Variants in LMX1A observed in about 807,000 individuals in gnomAD.
LMX1A encodes the protein LIM homeobox transcription factor 1-alpha.
Under a neutral mutation model 49.1 loss-of-function variants are expected in LMX1A, and 15 were observed. The ratio of observed to expected loss-of-function variants is 0.31; its 90% confidence interval spans 0.20 to 0.47. The LOEUF is 0.47. LMX1A is among the 20% of genes least tolerant of loss of function. LMX1A has a pLI of 1.00. For synonymous variants in LMX1A, 167 were observed against 185.7 expected, an observed-to-expected ratio of 0.90 and a Z score of 0.82; for missense variants, 372 against 475.8, an observed-to-expected ratio of 0.78 and a Z score of 2.03.
intron 3 of LMX1A, among the ~76,000 whole-genome samples, chr1:165,291,231 C>T (rs937205608): frequency 1.3e-5 from 2 of 152,154 alleles, no homozygotes; most frequent in Non-Finnish European, 2.9e-5. Flanking sequence ...GAGCACTGTC[C>T]TGGGCACAGA....
intron 3 of LMX1A, among the ~76,000 whole-genome samples, chr1:165,328,329 G>C (rs1031732966): frequency 6.6e-6 from 1 of 152,178 alleles, no homozygotes; most frequent in African/African-American, 2.4e-5. Flanking sequence ...TACATCTGTC[G>C]CTGGGCAGGA....
chr1:165,326,100 C>T (rs1655571429), intron 3 of LMX1A, among the ~76,000 whole-genome samples: 1 of 152,146 alleles, frequency 6.6e-6, no homozygotes, highest in African/African-American at 2.4e-5. Flanking sequence ...ATATTACACA[C>T]TGTTCAGTCA....
At chr1:165,206,630 G>C (rs1651092954) in intron 7 of LMX1A, among the ~76,000 whole-genome samples, 1 of 152,060 alleles carries the variant, frequency 6.6e-6, no homozygotes, top group African/African-American at 2.4e-5. Flanking sequence ...CATATGCTTT[G>C]ATGCATTCTT....
chr1:165,220,899 T>A (rs558646679), intron 4 of LMX1A, among the ~76,000 whole-genome samples: 1 of 152,338 alleles, frequency 6.6e-6, no homozygotes, highest in African/African-American at 2.4e-5. Context: ...AAATTCCTCA[T>A]GTCTCTGAGA....
chr1:165,279,240 A>C (rs1448750440), intron 3 of LMX1A, among the ~76,000 whole-genome samples: 1 of 152,218 alleles, frequency 6.6e-6, no homozygotes, highest in African/African-American at 2.4e-5. Flanking sequence ...TGTGAGAAAT[A>C]AGCGGGTGGA....
At chr1:165,244,311 A>G (rs1652765192) in intron 4 of LMX1A, among the ~76,000 whole-genome samples, 1 of 152,230 alleles carries the variant, frequency 6.6e-6, no homozygotes, top group Non-Finnish European at 1.5e-5. Context: ...GAGCTGCTCT[A>G]GAAAATTTAG....
At chr1:165,252,957 T>G (rs1434106692) in intron 3 of LMX1A, among the ~76,000 whole-genome samples, 1 of 152,268 alleles carries the variant, frequency 6.6e-6, no homozygotes, top group Admixed American at 6.5e-5. Context: ...TCATTCATTC[T>G]TTCATTTATT....
intron 4 of LMX1A, among the ~76,000 whole-genome samples, chr1:165,236,597 T>C (rs1375742978): frequency 6.6e-6 from 1 of 152,154 alleles, no homozygotes; most frequent in Non-Finnish European, 1.5e-5. Flanking sequence ...TAACTATACC[T>C]GCTCACTCTA....
chr1:165,211,033 C>A, intron 5 of LMX1A: 1 of 354,964 alleles, frequency 2.8e-6, no homozygotes. Flanking sequence ...CTGGATTTCT[C>A]TTGCTCTGGA....
intron 3 of LMX1A, among the ~76,000 whole-genome samples, chr1:165,267,596 G>A (rs867556282): frequency 2.0e-5 from 3 of 152,314 alleles, no homozygotes; most frequent in Middle Eastern, 3.4e-3. Flanking sequence ...TACTTGTGGG[G>A]AGGATAAGAA....
chr1:165,298,839 G>C (rs1654696604), intron 3 of LMX1A, among the ~76,000 whole-genome samples: 1 of 152,156 alleles, frequency 6.6e-6, no homozygotes, highest in Non-Finnish European at 1.5e-5. Context: ...AATTACAGAA[G>C]GTGCTTATTT....
intron 4 of LMX1A, among the ~76,000 whole-genome samples, chr1:165,240,750 C>A (rs182192707): frequency 6.6e-6 from 1 of 152,244 alleles, no homozygotes; most frequent in Non-Finnish European, 1.5e-5. Flanking sequence ...CCTTTCTGGA[C>A]TCAAAGACTC....
chr1:165,235,004 G>A (rs952258550), intron 4 of LMX1A, among the ~76,000 whole-genome samples: 1 of 152,284 alleles, frequency 6.6e-6, no homozygotes, highest in African/African-American at 2.4e-5. Context: ...GGCCTGCAAT[G>A]TTCAGATTCA....
chr1:165,346,717 G>A (rs1022166133), intron 3 of LMX1A, among the ~76,000 whole-genome samples: 1 of 152,142 alleles, frequency 6.6e-6, no homozygotes, highest in Non-Finnish European at 1.5e-5. Context: ...TGCATCTGCT[G>A]TCTAATGCCA....
rs565271882 is a variant in LMX1A at position 165,254,534 on chromosome 1, T to C, written c.264-4894A>G. ...CCCAGAGTAATTCAAGGAGAAAAGG[T>C]GCATGTGGTCCACCACCTGTGTGCC... On this transcript the variant is annotated intron_variant, in intron 3 of 8. Transcript: ENST00000342310. Among the ~76,000 whole-genome samples, 36 of 152,280 alleles carry C rather than the reference T, an allele frequency of 2.4e-4. No homozygotes were observed. In the South Asian group the frequency reaches 7.5e-3, roughly 32 times the overall value.
intron 3 of LMX1A, among the ~76,000 whole-genome samples, chr1:165,350,538 A>AT (rs11326500): frequency 0.091 from 13,574 of 149,856 alleles, 766 homozygotes; most frequent in South Asian, 0.14. Flanking sequence ...TCCTGAGCCT[A>AT]TTTTTTTTTT....
At chr1:165,339,560 G>A (rs1459055153) in intron 3 of LMX1A, among the ~76,000 whole-genome samples, 8 of 152,294 alleles carry the variant, frequency 5.3e-5, no homozygotes, top group Non-Finnish European at 7.4e-5. Context: ...TGGGAGCCTC[G>A]CTCTACTGCC....
At position 165,355,129 on chromosome 1, in the gene LMX1A, T is replaced by C. The variant is rs1435519548; in HGVS notation, c.76+355A>G. 6.6e-6 allele frequency among the ~76,000 whole-genome samples: 1 copy of C among 152,124 alleles called. No homozygotes were observed. The highest frequency in any genetic ancestry group is 2.4e-5 in the African/African-American group (1 of 41,420). ...CTCGGGTCTCGGATGCTATTGCCTCTAGGCCGCGAGAAGAGGGCGGCATTT... is the reference window on the plus strand; with the variant it reads ...CTCGGGTCTCGGATGCTATTGCCTCCAGGCCGCGAGAAGAGGGCGGCATTT... On this transcript the variant is annotated intron_variant, in intron 2 of 8. Coordinates refer to ENST00000342310, the MANE Select transcript of LMX1A (RefSeq NM_177398.4). This position sits in a 1 kb window ranked among gnomAD's most constrained non-coding sequence, Gnocchi z 4.7.
intron 4 of LMX1A, among the ~76,000 whole-genome samples, chr1:165,243,934 G>C (rs1355542529): frequency 1.3e-5 from 2 of 152,200 alleles, no homozygotes; most frequent in Non-Finnish European, 2.9e-5. Flanking sequence ...ATTTCAGGAT[G>C]GGGGCTGGTC....
Sources: allele counts gnomAD v4.1 joint callset (sites outside exome capture counted in the v4.1 genomes callset), GRCh38; gene constraint gnomAD v4.1.1; non-coding constraint Gnocchi (gnomAD v3.1); transcripts MANE v1.5; gene names NCBI Gene and HGNC (gene_info 2026-07-23, HGNC 2026-07-21).